The following DNM2 variants were observed in gnomAD, a reference collection of about 807,000 sequenced individuals.
DNM2 encodes dynamin 2.
Under a neutral mutation model 99.0 loss-of-function variants are expected in DNM2, and 15 were observed. The ratio of observed to expected loss-of-function variants is 0.15; its 90% CI spans 0.10 to 0.23. The LOEUF is 0.23. Among genes scored for constraint, DNM2 ranks in the 10% least tolerant of loss-of-function variants. The probability of loss-of-function intolerance (pLI) is 1.00; values close to 1 mark genes in which losing one functional copy is unlikely to be tolerated. For missense variants in DNM2, 742 were observed against 1,189.4 expected, an observed-to-expected ratio of 0.62 and a Z score of 5.53; for synonymous variants, 525 against 481.2, an observed-to-expected ratio of 1.09 and a Z score of -1.19.
At position 10,798,602 on chromosome 19, in the gene DNM2, A is replaced by G. The variant is rs767590732; in HGVS notation, c.1422+30A>G. ...TGGCCTTTTGTCTTCTTTATTGGGT[A>G]TAATTTACATGCAGTAAATGTCAAG... On this transcript the variant is annotated intron_variant, in intron 11 of 20. Transcript: ENST00000389253. 1.3e-5 allele frequency: 21 copies of G among 1,612,098 alleles called. 1 individual carries two copies. The highest frequency in any genetic ancestry group is 1.6e-4 in the Middle Eastern group (1 of 6,082).
intron 7 of DNM2, 40 bp downstream of exon 7, chr19:10,786,746 C>G: frequency 6.2e-7 from 1 of 1,613,084 alleles, no homozygotes; most frequent in Non-Finnish European, 8.5e-7. Context: ...CACCCTGGCC[C>G]CTGCCTTCCA....
intron 1 of DNM2, among the ~76,000 whole-genome samples, chr19:10,733,111 C>T (rs1483113147): frequency 2.0e-5 from 3 of 151,176 alleles, no homozygotes; most frequent in Non-Finnish European, 4.4e-5. Flanking sequence ...CTTGAACTCC[C>T]GACCTCAGGT....
intron 5 of DNM2, among the ~76,000 whole-genome samples, chr19:10,779,502 C>CTTTCTTTTTTTTT (rs1290878626): frequency 1.0e-4 from 3 of 29,626 alleles, no homozygotes; most frequent in Admixed American, 5.9e-4. Context: ...TTCTTTCTTT[C>CTTTCTTTTTTTTT]TTTTTTTTTT....
At position 10,772,718 on chromosome 19, in the gene DNM2, G is replaced by T; in HGVS notation, c.385+90G>T. The T allele has an allele frequency of 6.3e-7, 1 of 1,574,986 alleles. No individual in the cohort carries two copies. The highest frequency in any genetic ancestry group is 8.6e-7 in the Non-Finnish European group (1 of 1,156,310). Reference sequence around the variant, plus strand: ...TGAGCCTGTGTACTTCCACTCATGGGTATCATGTGCCCATTCACAAACAGT... The same window carrying T: ...TGAGCCTGTGTACTTCCACTCATGGTTATCATGTGCCCATTCACAAACAGT... On this transcript the variant is annotated intron_variant, in intron 3 of 20. Transcript: ENST00000389253. The surrounding 1 kb of genome is among the most constrained non-coding windows in gnomAD (Gnocchi z 4.9).
intron 1 of DNM2, among the ~76,000 whole-genome samples, chr19:10,736,877 G>A (rs533353266): frequency 1.3e-5 from 2 of 152,240 alleles, no homozygotes; most frequent in African/African-American, 2.4e-5. Flanking sequence ...GCTGGGCGCC[G>A]TGGCTTACGC....
At position 10,812,911 on chromosome 19, in the gene DNM2, A is replaced by T. The variant is rs1461021672; in HGVS notation, c.1671+534A>T. On this transcript the variant is annotated intron_variant, in intron 15 of 20. Coordinates refer to ENST00000389253, the MANE Select transcript of DNM2 (RefSeq NM_001005361.3). This position sits in a 1 kb window ranked among gnomAD's most constrained non-coding sequence, Gnocchi z 4.0. ...CCAGCTCCTAGAGTGCAAAAGGGAG[A>T]TGGAGGGTGATGGAGTCACTAGCAG... Among the ~76,000 whole-genome samples, 4 of 152,186 alleles carry T rather than the reference A, an allele frequency of 2.6e-5. No individual in the cohort carries two copies. The highest frequency in any genetic ancestry group is 2.9e-5 in the Non-Finnish European group (2 of 68,022).
At chr19:10,777,709 C>T (rs2071200819) in intron 5 of DNM2, among the ~76,000 whole-genome samples, 1 of 152,098 alleles carries the variant, frequency 6.6e-6, no homozygotes. Flanking sequence ...ATTCTCCTGC[C>T]CCAGCTTCCT....
chr19:10,799,002 G>A (rs1399243086), intron 11 of DNM2, among the ~76,000 whole-genome samples: 1 of 152,196 alleles, frequency 6.6e-6, no homozygotes, highest in African/African-American at 2.4e-5. Flanking sequence ...CAGGCAGGAG[G>A]ATTGCTTGAG....
At chr19:10,801,007 G>T (rs1437735808) in intron 11 of DNM2, among the ~76,000 whole-genome samples, 1 of 152,222 alleles carries the variant, frequency 6.6e-6, no homozygotes, top group Non-Finnish European at 1.5e-5. Context: ...AACACGCCAG[G>T]CGCTAAAGAC....
chr19:10,789,144 G>C (rs1339049630), intron 7 of DNM2, among the ~76,000 whole-genome samples: 1 of 152,206 alleles, frequency 6.6e-6, no homozygotes, highest in Non-Finnish European at 1.5e-5. Flanking sequence ...GTTGCAGTGA[G>C]CCAAGATTGT....
intron 18 of DNM2, among the ~76,000 whole-genome samples, chr19:10,826,401 C>T (rs2073145042): frequency 6.6e-6 from 1 of 152,230 alleles, no homozygotes; most frequent in Non-Finnish European, 1.5e-5. Context: ...TCCTAATGAT[C>T]TGGGGCCCAG....
intron 18 of DNM2, 179 bp from the exon 19 acceptor site, chr19:10,828,857 G>A (rs1035653430): frequency 1.6e-5 from 10 of 636,998 alleles, no homozygotes; most frequent in Admixed American, 7.5e-5. Context: ...CCCGGGAGGC[G>A]GAGGTTGCAG....
intron 1 of DNM2, among the ~76,000 whole-genome samples, chr19:10,724,241 G>A (rs2069037335): frequency 6.6e-6 from 1 of 152,074 alleles, no homozygotes; most frequent in African/African-American, 2.4e-5. Flanking sequence ...GCAGTCACGC[G>A]ATCTCGGCTC....
chr19:10,734,746 G>A (rs895346506), intron 1 of DNM2, among the ~76,000 whole-genome samples: 11 of 150,494 alleles, frequency 7.3e-5, no homozygotes, highest in African/African-American at 2.7e-4. Context: ...ATCGAGATGG[G>A]GGTCTTGCTG....
intron 5 of DNM2, 61 bp from the exon 6 acceptor site, chr19:10,782,899 C>T (rs1412734213): frequency 6.2e-7 from 1 of 1,611,280 alleles, no homozygotes; most frequent in Admixed American, 1.7e-5. Context: ...TTGCCCATCC[C>T]CGTGCCAGGT....
chr19:10,729,543 G>C (rs2145701923), intron 1 of DNM2, among the ~76,000 whole-genome samples: 1 of 152,258 alleles, frequency 6.6e-6, no homozygotes, highest in East Asian at 1.9e-4. Flanking sequence ...AGCAGGTGCA[G>C]AGGCCTCGCA....
At chr19:10,769,294 A>G (rs2070899600) in intron 2 of DNM2, 1 of 152,394 alleles carries the variant, frequency 6.6e-6, no homozygotes, top group Non-Finnish European at 1.5e-5. Flanking sequence ...CTGCCAGTAC[A>G]TGCTGGGCTC....
chr19:10,718,600 C>A, intron 1 of DNM2, 197 bp downstream of exon 1: 1 of 819,752 alleles, frequency 1.2e-6, no homozygotes. Flanking sequence ...GGAGCAGGCC[C>A]GGGCCCCAGG....
intron 1 of DNM2, among the ~76,000 whole-genome samples, chr19:10,758,881 A>G (rs931857424): frequency 3.9e-5 from 6 of 152,094 alleles, no homozygotes; most frequent in African/African-American, 1.4e-4. Flanking sequence ...GCTCTGTCGA[A>G]TAGTAATTTA....
Sources: gnomAD v4.1 joint callset for allele counts (sites outside exome capture counted in the v4.1 genomes callset) on GRCh38, gnomAD v4.1.1 for gene constraint, Gnocchi (gnomAD v3.1) non-coding constraint, MANE v1.5 for transcripts, NCBI Gene and HGNC (gene_info 2026-07-23, HGNC 2026-07-21) for gene names.